Variants in ITPR3 observed in about 807,000 individuals in gnomAD.
ITPR3 encodes the protein inositol 1,4,5-trisphosphate receptor type 3.
In ITPR3, 173 loss-of-function variants were observed where a neutral mutation model predicts 293.2. The ratio of observed to expected loss-of-function variants is 0.59; its 90% CI spans 0.52 to 0.67. The LOEUF is 0.67. Among genes scored for constraint, ITPR3 ranks in the 30% least tolerant of loss-of-function variants. The pLI is 0.00. For synonymous variants in ITPR3, 1,295 were observed against 1,444.4 expected, an observed-to-expected ratio of 0.90 and a Z score of 2.35; for missense variants, 2,796 against 3,592.1, an observed-to-expected ratio of 0.78 and a Z score of 5.66.
rs770268777 is a variant in ITPR3, at chr6:33,693,648, C to T, written c.7728C>T (p.Arg2576=). The change falls in exon 56 of 58, where the codon CGC becomes CGT. Residue 2576 remains arginine (R), a synonymous_variant. Coordinates refer to ENST00000605930, the MANE Select transcript of ITPR3 (RefSeq NM_002224.4). ...WNYLYFIVLV[R]VKNKTDYTGP... The stretch of plus-strand genomic sequence containing the variant: ...ACTTGTACTTCATTGTGCTGGTCCG[C>T]GTGAAGAACAAGACCGACTACACGG... 6 of 1,614,074 alleles carry T rather than the reference C, an allele frequency of 3.7e-6. No homozygotes were observed. The highest frequency in any genetic ancestry group is 2.7e-5 in the African/African-American group (2 of 74,926).
rs1309940290 is a variant in ITPR3, at chr6:33,624,274, C to G, written c.89+2583C>G. ...CTGGGCACCTTGCCAGGATTAACAC[C>G]ATTCATATATTTAGCAGGTCTACAG... On this transcript the variant is annotated intron_variant, in intron 1 of 57. Coordinates refer to ENST00000605930, the MANE Select transcript of ITPR3 (RefSeq NM_002224.4). This position sits in a 1 kb window ranked among gnomAD's most constrained non-coding sequence, Gnocchi z 4.7. 6.6e-6 allele frequency among the ~76,000 whole-genome samples: 1 copy of G among 152,196 alleles called. No individual in the cohort carries two copies.
chr6:33,695,572 C>CTAGCTCGTCCCCCCT, intron 57 of ITPR3, 140 bp from the exon 58 acceptor site: 1 of 759,620 alleles, frequency 1.3e-6, no homozygotes, highest in Non-Finnish European at 2.2e-6. Context: ...TAAAGCACCC[C>CTAGCTCGTCCCCCCT]GAGGGGCCCT....
chr6:33,693,292 A>AGAAATTCTCGCGTTTACTCCT (rs1367282108), intron 55 of ITPR3, among the ~76,000 whole-genome samples: 2 of 152,206 alleles, frequency 1.3e-5, no homozygotes, highest in Non-Finnish European at 2.9e-5. Context: ...CCTGAGTTCG[A>AGAAATTCTCGCGTTTACTCCT]GAAATTCTCG....
intron 9 of ITPR3, among the ~76,000 whole-genome samples, chr6:33,663,257 C>T (rs1193924906): frequency 1.3e-5 from 2 of 152,150 alleles, no homozygotes; most frequent in Admixed American, 6.5e-5. Context: ...CAAAATTTCC[C>T]GTCTGTCTGT....
In ITPR3 at chr6:33,684,834, C is replaced by A; in HGVS notation, c.5198C>A (p.Ala1733Asp). Residue 1733 changes from alanine (A) to aspartate (D), a missense_variant, in exon 39 of 58, where the codon GCC becomes GAC. Around this residue, in one of 8 missense-constraint regions of ITPR3, gnomAD observed 704 missense variants for 797.5 expected, o/e 0.88. Coordinates refer to ENST00000605930, the MANE Select transcript of ITPR3 (RefSeq NM_002224.4). The surrounding 1 kb of genome is among the most constrained non-coding windows in gnomAD (Gnocchi z 4.2). The stretch of plus-strand genomic sequence containing the variant: ...CAGTGCCGGCTGGACAAGGAGGGGG[C>A]CACCAAGTTGGTATGCGACCTCATC... ...ATQCRLDKEG[A>D]TKLVCDLITS... 2 of 1,613,998 alleles carry A rather than the reference C, an allele frequency of 1.2e-6. No individual in the cohort carries two copies. The highest frequency in any genetic ancestry group is 1.7e-6 in the Non-Finnish European group (2 of 1,179,968).
chr6:33,671,968 G>A, intron 21 of ITPR3, 61 bp from the exon 22 acceptor site: 6 of 1,460,308 alleles, frequency 4.1e-6, no homozygotes, highest in Non-Finnish European at 3.7e-6. Flanking sequence ...ATCAGACCAG[G>A]GACCCCTGTG....
At position 33,673,650 on chromosome 6, in the gene ITPR3, G is replaced by T; in HGVS notation, c.2988G>T (p.Lys996Asn). ...CCTACCTGCTGTCTGTCTTCAAGAA[G>T]GAGTTTGTGGAGGTGTTTCCCATGC... ...RISYLLSVFK[K>N]EFVEVFPMQD... is the part of the protein sequence containing the mutation. The change falls in exon 23 of 58, where the codon AAG becomes AAT. Residue 996 changes from lysine (K) to asparagine (N), a missense_variant. Around this residue, in one of 8 missense-constraint regions of ITPR3, gnomAD observed 955 missense variants for 1,180.8 expected, o/e 0.81. Transcript: ENST00000605930. The T allele has an allele frequency of 6.2e-7, 1 of 1,614,214 alleles. No homozygotes were observed. The highest frequency in any genetic ancestry group is 8.5e-7 in the Non-Finnish European group (1 of 1,180,040).
At chr6:33,674,908 T>C (rs1279984665) in intron 24 of ITPR3, among the ~76,000 whole-genome samples, 1 of 152,230 alleles carries the variant, frequency 6.6e-6, no homozygotes, top group Admixed American at 6.5e-5. Flanking sequence ...ATATAAACGA[T>C]ATTTTGTGAT....
chr6:33,678,597 G>A (rs1368958100), intron 29 of ITPR3, 42 bp from the exon 30 acceptor site: 2 of 1,569,970 alleles, frequency 1.3e-6, no homozygotes, highest in East Asian at 2.3e-5. Context: ...GGGGGTGGGG[G>A]CGGGGCCCAG....
rs1561878335 is a variant in ITPR3 at position 33,684,406 on chromosome 6, A to AT, written c.4988dup (p.Lys1664GlnfsTer116). The AT allele has an allele frequency of 6.2e-7, 1 of 1,614,106 alleles. No homozygotes were observed. The stretch of plus-strand genomic sequence containing the variant: ...CATGGAGTCGGAGGAGAAGCTGTGC[A>AT]TCAAGGTGCTGCGGACCCTGCAGCA... On this transcript the variant is annotated frameshift_variant, in exon 37 of 58. Coordinates refer to ENST00000605930, the MANE Select transcript of ITPR3 (RefSeq NM_002224.4). LOFTEE classifies it high-confidence loss of function. This position sits in a 1 kb window ranked among gnomAD's most constrained non-coding sequence, Gnocchi z 4.2.
chr6:33,648,126 C>T (rs938529456), intron 2 of ITPR3, among the ~76,000 whole-genome samples: 8 of 148,060 alleles, frequency 5.4e-5, no homozygotes, highest in Admixed American at 6.9e-5. Flanking sequence ...AGTGCAGTGG[C>T]GCAATCATGG....
At chr6:33,663,055 G>A (rs375410588) in intron 9 of ITPR3, 49 bp downstream of exon 9, 25 of 1,505,038 alleles carry the variant, frequency 1.7e-5, no homozygotes, top group Middle Eastern at 3.4e-4. Context: ...GCATGTACAC[G>A]TGGGTGTGCG....
intron 33 of ITPR3, 138 bp downstream of exon 33, chr6:33,680,818 A>ATT: frequency 1.2e-6 from 1 of 837,636 alleles, no homozygotes; most frequent in Non-Finnish European, 1.7e-6. Flanking sequence ...TGTATTGGTT[A>ATT]TCTTTTTTTT....
rs1379666745 is a variant in ITPR3 at position 33,675,873 on chromosome 6, G to A, written c.3282+17G>A. The stretch of plus-strand genomic sequence containing the variant: ...TTCAAGCAGGTGACGGGACTACCTG[G>A]CCCTGGCCCTGAGCATGAGGCCTGC... On this transcript the variant is annotated intron_variant, in intron 25 of 57. Coordinates refer to ENST00000605930, the MANE Select transcript of ITPR3 (RefSeq NM_002224.4). This position sits in a 1 kb window ranked among gnomAD's most constrained non-coding sequence, Gnocchi z 5.0. The A allele has an allele frequency of 6.5e-7, 1 of 1,540,168 alleles. No homozygotes were observed. The highest frequency in any genetic ancestry group is 1.4e-5 in the African/African-American group (1 of 72,902).
intron 17 of ITPR3, 126 bp downstream of exon 17, chr6:33,668,760 G>T (rs546812844): frequency 6.1e-6 from 9 of 1,463,686 alleles, no homozygotes; most frequent in Non-Finnish European, 8.4e-6. Context: ...TGTGAACTCT[G>T]TGCCTGTTAT....
chr6:33,668,680 C>A (rs11963267), intron 17 of ITPR3, 46 bp downstream of exon 17: 3 of 1,612,552 alleles, frequency 1.9e-6, no homozygotes, highest in Admixed American at 1.7e-5. Context: ...ACGCTGCTGA[C>A]CCCCAGCTGT....
In ITPR3 at chr6:33,686,064, C is replaced by A. The variant is rs1438642586; in HGVS notation, c.5679C>A (p.Arg1893=). 2 of 1,613,992 alleles carry A rather than the reference C, an allele frequency of 1.2e-6. No homozygotes were observed. Among genetic ancestry groups the A allele is most frequent in the Non-Finnish European group, 1.7e-6 (2 of 1,180,056 alleles). ...TCTGTGCCCCGCAGAACTTCCTGCGCTGTCAGAACAACAAAACCAACTACA... is the reference window on the plus strand; with the variant it reads ...TCTGTGCCCCGCAGAACTTCCTGCGATGTCAGAACAACAAAACCAACTACA... ...NHNRDLQNFL[R]CQNNKTNYNL... Residue 1893 remains arginine (R), a synonymous_variant, in exon 42 of 58, where the codon CGC becomes CGA. Transcript: ENST00000605930.
In ITPR3 at chr6:33,682,621, G is replaced by A. The variant is rs1164408342; in HGVS notation, c.4574G>A (p.Cys1525Tyr). 4.9e-5 allele frequency: 79 copies of A among 1,597,860 alleles called. No homozygotes were observed. The highest frequency in any genetic ancestry group is 6.5e-5 in the Non-Finnish European group (76 of 1,173,446). Residue 1525 changes from cysteine to tyrosine, a missense_variant, in exon 34 of 58, where the codon TGC becomes TAC. By Grantham distance (194) the Cys-to-Tyr change is radical. This residue lies in a region of ITPR3 where 704 missense variants were observed against 797.5 expected (regional missense o/e 0.88). Coordinates refer to ENST00000605930, the MANE Select transcript of ITPR3 (RefSeq NM_002224.4). The surrounding 1 kb of genome is among the most constrained non-coding windows in gnomAD (Gnocchi z 5.4). ...CAGCACAAGGGCTCCGTGGAGGCCTGCATCCGGACCCTCGCCATGGTGGGT... is the reference window on the plus strand; with the variant it reads ...CAGCACAAGGGCTCCGTGGAGGCCTACATCCGGACCCTCGCCATGGTGGGT... ...QQQHKGSVEA[C>Y]IRTLAMVAKG... is the part of the protein sequence containing the mutation.
At chr6:33,642,960 C>G (rs550407530) in intron 2 of ITPR3, among the ~76,000 whole-genome samples, 22 of 152,168 alleles carry the variant, frequency 1.4e-4, no homozygotes, top group Admixed American at 3.3e-4. Flanking sequence ...GCCAGGCCTC[C>G]GTACACCCTT....
Sources: allele counts gnomAD v4.1 joint callset (sites outside exome capture counted in the v4.1 genomes callset), GRCh38; gene constraint gnomAD v4.1.1; regional missense constraint gnomAD v4.1.1; non-coding constraint Gnocchi (gnomAD v3.1); transcripts MANE v1.5; gene names NCBI Gene and HGNC (gene_info 2026-07-23, HGNC 2026-07-21).